ANKRD28: variants seen among roughly 807,000 people sequenced by gnomAD.
ANKRD28 encodes ankyrin repeat domain 28, also known as serine/threonine-protein phosphatase 6 regulatory ankyrin repeat subunit A.
ANKRD28 carries 44 observed loss-of-function variants against 126.5 expected under a neutral mutation model. That is an observed-to-expected ratio of 0.35 (90% CI 0.27 to 0.45). ANKRD28 has a LOEUF of 0.45. Among genes scored for constraint, ANKRD28 ranks in the 20% least tolerant of loss-of-function variants. The pLI, the probability that ANKRD28 is intolerant of heterozygous loss-of-function variation, is 1.00. For missense variants in ANKRD28, 1,110 were observed against 1,316.6 expected, an observed-to-expected ratio of 0.84 and a Z score of 2.43; for synonymous variants, 442 against 468.5, an observed-to-expected ratio of 0.94 and a Z score of 0.73.
chr3:15,698,203 A>C (rs2069963468), intron 14 of ANKRD28, among the ~76,000 whole-genome samples: 1 of 152,204 alleles, frequency 6.6e-6, no homozygotes, highest in South Asian at 2.1e-4. Flanking sequence ...TTCATGCTAA[A>C]AACTCTCAAT....
intron 1 of ANKRD28, among the ~76,000 whole-genome samples, chr3:15,829,893 A>G (rs926902900): frequency 6.6e-6 from 1 of 152,066 alleles, no homozygotes; most frequent in Non-Finnish European, 1.5e-5. Context: ...GCCAAATCTG[A>G]ATAACCATAA....
chr3:15,826,273 G>A (rs912934473), intron 1 of ANKRD28, among the ~76,000 whole-genome samples: 3 of 152,168 alleles, frequency 2.0e-5, no homozygotes, highest in Admixed American at 6.5e-5. Context: ...TCAGGCACAA[G>A]TGCAATTTTG....
Position 15,737,227 on chromosome 3 carries a change from C to T in ANKRD28, c.358G>A (p.Val120Ile). ...RAVASCSEEA[V>I]QVLLKHSADV... Reference sequence around the variant, plus strand: ...GCAGAATGCTTCAAAAGTACCTGAACTGCTTCCTAAAACATATGAAAAGTT... The same window carrying T: ...GCAGAATGCTTCAAAAGTACCTGAATTGCTTCCTAAAACATATGAAAAGTT... Residue 120 changes from valine to isoleucine, a missense_variant, in exon 5 of 28, where the codon GTT becomes ATT. Transcript: ENST00000683139. The T allele has an allele frequency of 6.2e-7, 1 of 1,613,136 alleles. No individual in the cohort carries two copies. The highest frequency in any genetic ancestry group is 8.5e-7 in the Non-Finnish European group (1 of 1,179,432).
chr3:15,789,938 T>C (rs939663687), intron 2 of ANKRD28, among the ~76,000 whole-genome samples: 21 of 151,952 alleles, frequency 1.4e-4, no homozygotes, highest in African/African-American at 5.1e-4. Flanking sequence ...ACATTACAAC[T>C]TACACAGAAA....
chr3:15,679,185 G>T, intron 23 of ANKRD28, 116 bp downstream of exon 23: 1 of 928,666 alleles, frequency 1.1e-6, no homozygotes, highest in Non-Finnish European at 1.7e-6. Context: ...GACCAGGCTG[G>T]TCTTAAACTC....
At chr3:15,858,702 T>C (rs1001755893) in intron 1 of ANKRD28, among the ~76,000 whole-genome samples, 2 of 152,206 alleles carry the variant, frequency 1.3e-5, no homozygotes, top group Admixed American at 1.3e-4. Context: ...AAAAGCCTTA[T>C]TACCCATCTT....
chr3:15,842,450 G>GA (rs2061443047), intron 1 of ANKRD28, among the ~76,000 whole-genome samples: 1 of 150,920 alleles, frequency 6.6e-6, no homozygotes, highest in South Asian at 2.1e-4. Flanking sequence ...GTAGTTGGGG[G>GA]ATGGAGGGGT....
chr3:15,849,489 T>C (rs943993555), intron 1 of ANKRD28, among the ~76,000 whole-genome samples: 3 of 152,208 alleles, frequency 2.0e-5, no homozygotes, highest in Admixed American at 2.0e-4. Context: ...ATTGTAGTTT[T>C]CTACAAAGAC....
chr3:15,690,300 C>G, intron 17 of ANKRD28, 80 bp from the exon 18 acceptor site: 1 of 1,181,904 alleles, frequency 8.5e-7, no homozygotes, highest in Non-Finnish European at 1.2e-6. Context: ...TGTAAATAAG[C>G]AAACTTGTCT....
At position 15,846,081 on chromosome 3, in the gene ANKRD28, C is replaced by G. The variant is rs1367213953; in HGVS notation, c.27+13296G>C. ...TTTTCACATTTCAAAACCAACCATGCCTTTCCAATAGTCTCCCAAAATCTT... is the reference window on the plus strand; with the variant it reads ...TTTTCACATTTCAAAACCAACCATGGCTTTCCAATAGTCTCCCAAAATCTT... On this transcript the variant is annotated intron_variant, in intron 1 of 27. Coordinates refer to the ANKRD28 transcript ENST00000399451. The surrounding 1 kb of genome is among the most constrained non-coding windows in gnomAD (Gnocchi z 5.4). Among the ~76,000 whole-genome samples, 1 of 152,176 alleles carries G rather than the reference C, an allele frequency of 6.6e-6. No homozygotes were observed. The highest frequency in any genetic ancestry group is 1.5e-5 in the Non-Finnish European group (1 of 68,034).
chr3:15,802,790 A>G (rs1330722341), upstream of ANKRD28, among the ~76,000 whole-genome samples: 1 of 152,206 alleles, frequency 6.6e-6, no homozygotes, highest in East Asian at 1.9e-4. Context: ...AGGCTCAGTA[A>G]CATCTAGTCA....
At chr3:15,712,697 A>C (rs962213836) in intron 10 of ANKRD28, among the ~76,000 whole-genome samples, 2 of 152,200 alleles carry the variant, frequency 1.3e-5, no homozygotes, top group African/African-American at 4.8e-5. Context: ...AATAGTGAAA[A>C]ACTGTAAGCA....
chr3:15,692,668 G>A (rs777750100), intron 17 of ANKRD28, among the ~76,000 whole-genome samples: 7 of 152,184 alleles, frequency 4.6e-5, no homozygotes, highest in Non-Finnish European at 1.0e-4. Flanking sequence ...CCGAATGGGA[G>A]AGTTTCGTGT....
chr3:15,859,333 T>C, intron 1 of ANKRD28: 2 of 1,518,114 alleles, frequency 1.3e-6, no homozygotes, highest in Non-Finnish European at 1.8e-6. Flanking sequence ...CTGCTTCCCT[T>C]CCTTCCCGGA....
intron 6 of ANKRD28, among the ~76,000 whole-genome samples, chr3:15,734,649 G>A (rs1386979139): frequency 6.6e-6 from 1 of 152,174 alleles, no homozygotes; most frequent in Non-Finnish European, 1.5e-5. Flanking sequence ...GGACTTTAAG[G>A]ATTTATGGCA....
intron 27 of ANKRD28, among the ~76,000 whole-genome samples, chr3:15,671,032 G>T (rs971031132): frequency 6.6e-6 from 1 of 152,210 alleles, no homozygotes; most frequent in Non-Finnish European, 1.5e-5. Flanking sequence ...ACAGCTTCAT[G>T]AATCAGCCAC....
rs143733375 is a variant in ANKRD28 at position 15,675,332 on chromosome 3, G to T, written c.2965+566C>A. On this transcript the variant is annotated intron_variant, in intron 27 of 27. Coordinates refer to ENST00000683139, the MANE Select transcript of ANKRD28 (RefSeq NM_001349278.2). Reference sequence around the variant, plus strand: ...AGAATGAGAGGAATAACTGCGGACAGCAAGAGAGTAGTTTTGCTGCAAAAG... The same window carrying T: ...AGAATGAGAGGAATAACTGCGGACATCAAGAGAGTAGTTTTGCTGCAAAAG... Among the ~76,000 whole-genome samples the T allele has an allele frequency of 5.6e-3, 858 of 152,310 alleles. 6 individuals are homozygous for T. The highest frequency in any genetic ancestry group is 8.0e-3 in the Non-Finnish European group (545 of 68,016).
chr3:15,762,957 T>C (rs2058567472), intron 3 of ANKRD28, among the ~76,000 whole-genome samples: 1 of 152,214 alleles, frequency 6.6e-6, no homozygotes, highest in African/African-American at 2.4e-5. Flanking sequence ...AGGCCAGGAC[T>C]GTATCCAAAT....
exon 1 of ANKRD28, chr3:15,859,576 G>A (rs2061861034): frequency 7.9e-6 from 2 of 252,014 alleles, no homozygotes; most frequent in Non-Finnish European, 1.2e-5. Flanking sequence ...CGCCTCCCCG[G>A]CCGCCCGCCG....
Sources: allele counts gnomAD v4.1 joint callset (sites outside exome capture counted in the v4.1 genomes callset), GRCh38; gene constraint gnomAD v4.1.1; non-coding constraint Gnocchi (gnomAD v3.1); transcripts MANE v1.5; gene names NCBI Gene and HGNC (gene_info 2026-07-23, HGNC 2026-07-21).